CCDC30: variants seen among roughly 807,000 people sequenced by gnomAD.
CCDC30 encodes coiled-coil domain-containing protein 30.
In CCDC30, 70 loss-of-function variants were observed where a neutral mutation model predicts 100.2. The ratio of observed to expected loss-of-function variants is 0.70; its 90% CI spans 0.58 to 0.85. The LOEUF (loss-of-function observed/expected upper bound fraction) is 0.85. CCDC30 is among the 40% of genes least tolerant of loss of function. CCDC30 has a pLI of 0.00. For missense variants in CCDC30, 652 were observed against 771.2 expected (o/e 0.85, Z 1.83); for synonymous variants, 233 against 269.5 (o/e 0.86, Z 1.33).
intron 6 of CCDC30, among the ~76,000 whole-genome samples, chr1:42,517,901 G>T (rs943662338): frequency 6.6e-6 from 1 of 152,180 alleles, no homozygotes; most frequent in Non-Finnish European, 1.5e-5. Flanking sequence ...AAATCAGAAA[G>T]TGTGAGTCCT....
At chr1:42,487,022 A>G (rs1214433902) in intron 3 of CCDC30, among the ~76,000 whole-genome samples, 1 of 151,456 alleles carries the variant, frequency 6.6e-6, no homozygotes, top group African/African-American at 2.4e-5. Flanking sequence ...TTATGTCCCA[A>G]CTACTTGCCA....
At chr1:42,526,938 A>T (rs1337059463) in intron 6 of CCDC30, among the ~76,000 whole-genome samples, 1 of 152,186 alleles carries the variant, frequency 6.6e-6, no homozygotes, top group Non-Finnish European at 1.5e-5. Flanking sequence ...TCCCAGAAAG[A>T]TGATTACTTA....
At chr1:42,624,633 T>C (rs1646899470) in intron 11 of CCDC30, among the ~76,000 whole-genome samples, 1 of 152,102 alleles carries the variant, frequency 6.6e-6, no homozygotes, top group South Asian at 2.1e-4. Context: ...GCATACCCCA[T>C]GATGCCCAAC....
chr1:42,536,079 A>T (rs1644899109), intron 6 of CCDC30, among the ~76,000 whole-genome samples: 1 of 152,030 alleles, frequency 6.6e-6, no homozygotes, highest in African/African-American at 2.4e-5. Flanking sequence ...AATGCATCTA[A>T]CATACTTACC....
At chr1:42,570,644 T>A (rs1276944066) in intron 7 of CCDC30, among the ~76,000 whole-genome samples, 2 of 152,176 alleles carry the variant, frequency 1.3e-5, no homozygotes, top group African/African-American at 4.8e-5. Flanking sequence ...TTTATAGTTT[T>A]ATCAACTATT....
At chr1:42,499,175 A>G (rs932368172) in intron 6 of CCDC30, among the ~76,000 whole-genome samples, 4 of 152,196 alleles carry the variant, frequency 2.6e-5, no homozygotes, top group African/African-American at 9.7e-5. Context: ...TCTTATAAAG[A>G]TACAATTTGA....
intron 3 of CCDC30, among the ~76,000 whole-genome samples, chr1:42,485,607 G>A (rs1018725969): frequency 6.6e-5 from 10 of 152,050 alleles, no homozygotes; most frequent in Non-Finnish European, 5.9e-5. Context: ...TGTAGTAGGC[G>A]ATGATTGTTC....
intron 3 of CCDC30, among the ~76,000 whole-genome samples, chr1:42,485,103 A>G (rs569285813): frequency 6.6e-6 from 1 of 152,182 alleles, no homozygotes. Flanking sequence ...TGAAATATTC[A>G]TAAGTGAATG....
intron 11 of CCDC30, among the ~76,000 whole-genome samples, chr1:42,619,038 G>A (rs1023415263): frequency 2.0e-5 from 3 of 152,148 alleles, no homozygotes; most frequent in African/African-American, 7.2e-5. Context: ...TTCCTATGCT[G>A]AGTAAACCAG....
chr1:42,572,733 C>T (rs1411349405), intron 7 of CCDC30, among the ~76,000 whole-genome samples: 3 of 152,196 alleles, frequency 2.0e-5, no homozygotes, highest in East Asian at 1.9e-4. Flanking sequence ...TCTTCTGCCT[C>T]GGCCTCCCGA....
At chr1:42,632,459 T>G (rs1308570909) in intron 11 of CCDC30, among the ~76,000 whole-genome samples, 1 of 150,470 alleles carries the variant, frequency 6.6e-6, no homozygotes, top group African/African-American at 2.5e-5. Context: ...AGAGTGAGAC[T>G]CTACCTTAAA....
intron 6 of CCDC30, among the ~76,000 whole-genome samples, chr1:42,516,571 CAA>C (rs61638436): frequency 5.9e-5 from 6 of 102,134 alleles, no homozygotes; most frequent in Admixed American, 1.1e-4. Context: ...GACTCCATCT[CAA>C]AAAAAAAAAA....
At chr1:42,502,752 G>A (rs1644339893) in intron 6 of CCDC30, among the ~76,000 whole-genome samples, 1 of 152,074 alleles carries the variant, frequency 6.6e-6, no homozygotes, top group South Asian at 2.1e-4. Context: ...CTTTGAATTT[G>A]GCTATCTTGT....
At chr1:42,614,689 A>C (rs1419261898) in intron 11 of CCDC30, among the ~76,000 whole-genome samples, 1 of 151,756 alleles carries the variant, frequency 6.6e-6, no homozygotes, top group Non-Finnish European at 1.5e-5. Context: ...CAGGAGGCTG[A>C]GGCAAGAGGA....
chr1:42,517,108 G>A (rs1357125819), intron 6 of CCDC30, among the ~76,000 whole-genome samples: 1 of 152,054 alleles, frequency 6.6e-6, no homozygotes, highest in Non-Finnish European at 1.5e-5. Context: ...TTATGACACA[G>A]GGTCTTGCTC....
intron 1 of CCDC30, among the ~76,000 whole-genome samples, chr1:42,474,352 T>A (rs1643856486): frequency 6.6e-6 from 1 of 152,214 alleles, no homozygotes; most frequent in Non-Finnish European, 1.5e-5. Flanking sequence ...TCAAAGGGAT[T>A]TGTGAGATTT....
In CCDC30 at chr1:42,500,321, T is replaced by C. The variant is rs138949908; in HGVS notation, c.456+1405T>C. 905 of 1,608,518 alleles carry C rather than the reference T, an allele frequency of 5.6e-4. 11 individuals carry two copies. The highest frequency in any genetic ancestry group is 1.3e-3 in the Middle Eastern group (6 of 4,670). Reference sequence around the variant, plus strand: ...TTATCGAATTTCTCCATCTCAGCCATATCGGGTTTGTCAGACATAGTTGCC... The same window carrying C: ...TTATCGAATTTCTCCATCTCAGCCACATCGGGTTTGTCAGACATAGTTGCC... On this transcript the variant is annotated intron_variant, in intron 6 of 16. Transcript: ENST00000668663.
intron 11 of CCDC30, among the ~76,000 whole-genome samples, chr1:42,618,728 C>G (rs1457935023): frequency 2.6e-5 from 4 of 152,190 alleles, no homozygotes; most frequent in Non-Finnish European, 5.9e-5. Flanking sequence ...CTCAATGGAT[C>G]AAAAGCCTAG....
intron 6 of CCDC30, among the ~76,000 whole-genome samples, chr1:42,549,800 T>C (rs1456216211): frequency 6.6e-6 from 1 of 152,180 alleles, no homozygotes; most frequent in African/African-American, 2.4e-5. Context: ...GCCCCAAGCT[T>C]ATAGAGCCCA....
Sources: allele counts gnomAD v4.1 joint callset (sites outside exome capture counted in the v4.1 genomes callset), GRCh38; gene constraint gnomAD v4.1.1; transcripts MANE v1.5; gene names NCBI Gene and HGNC (gene_info 2026-07-23, HGNC 2026-07-21).